The following KIAA0586 variants were observed in gnomAD, a reference collection of about 807,000 sequenced individuals.
KIAA0586 encodes the protein protein TALPID3.
Under a neutral mutation model 169.8 loss-of-function variants are expected in KIAA0586, and 144 were observed. The observed-to-expected ratio is 0.85, with a 90% CI of 0.74 to 0.97. The LOEUF is 0.97. Among genes scored for constraint, KIAA0586 ranks in the 50% least tolerant of loss-of-function variants. The pLI, the probability that KIAA0586 is intolerant of heterozygous loss-of-function variation, is 0.00. For synonymous variants in KIAA0586, 625 were observed against 612.4 expected (o/e 1.02, Z -0.30); for missense variants, 1,854 against 1,823.0 (o/e 1.02, Z -0.31).
chr14:58,485,281 C>T (rs186135932), intron 21 of KIAA0586, among the ~76,000 whole-genome samples: 82 of 151,834 alleles, frequency 5.4e-4, no homozygotes, highest in African/African-American at 1.9e-3. Flanking sequence ...AGAAGAAATA[C>T]AGATCACCCA....
intron 3 of KIAA0586, among the ~76,000 whole-genome samples, chr14:58,431,848 G>A (rs958092531): frequency 2.0e-5 from 3 of 152,036 alleles, no homozygotes; most frequent in Non-Finnish European, 4.4e-5. Flanking sequence ...AAATGGCATT[G>A]AGTTCTTGAT....
At chr14:58,555,284 A>G (rs1307714201), downstream of KIAA0586, among the ~76,000 whole-genome samples, 1 of 151,894 alleles carries the variant, frequency 6.6e-6, no homozygotes, top group South Asian at 2.1e-4. Context: ...TATTTTCAGT[A>G]GAGACAGCGT....
intron 4 of KIAA0586, chr14:58,439,766 A>T (rs1312035431): frequency 2.2e-5 from 19 of 864,528 alleles, no homozygotes; most frequent in Non-Finnish European, 2.5e-5. Flanking sequence ...AGAAATGGGG[A>T]AATATCAAAG....
intron 29 of KIAA0586, among the ~76,000 whole-genome samples, chr14:58,523,751 A>G (rs1450136533): frequency 6.6e-6 from 1 of 150,636 alleles, no homozygotes; most frequent in Non-Finnish European, 1.5e-5. Flanking sequence ...TATTATTGAG[A>G]TGGGGTCTTG....
intron 6 of KIAA0586, among the ~76,000 whole-genome samples, chr14:58,444,483 G>A (rs796522893): frequency 2.0e-4 from 30 of 147,498 alleles, no homozygotes; most frequent in African/African-American, 7.0e-4. Context: ...AAGTACAGTA[G>A]TAGAATCTCC....
At chr14:58,541,488 C>CA (rs1333833174) in intron 30 of KIAA0586, among the ~76,000 whole-genome samples, 3 of 152,168 alleles carry the variant, frequency 2.0e-5, no homozygotes, top group Non-Finnish European at 4.4e-5. Flanking sequence ...TAAATAATTA[C>CA]AGTGCAGTCT....
chr14:58,461,121 T>A lies in KIAA0586; in HGVS notation c.2020T>A (p.Ser674Thr). 6.2e-7 allele frequency: 1 copy of A among 1,606,564 alleles called. No homozygotes were observed. Among genetic ancestry groups the A allele is most frequent in the Non-Finnish European group, 8.5e-7 (1 of 1,177,146 alleles). Residue 674 changes from serine to threonine, a missense_variant, in exon 14 of 31, where the codon TCC becomes ACC. Coordinates refer to ENST00000652326, the MANE Select transcript of KIAA0586 (RefSeq NM_001329943.3). ...YLRFNSPSPK[S>T]RPQRPKVIER... The stretch of plus-strand genomic sequence containing the variant: ...CAGATTTAATTCTCCATCTCCTAAG[T>A]CCAGACCACAGAGACCAAAAGTAAT...
At chr14:58,479,365 G>A (rs984021951) in intron 20 of KIAA0586, among the ~76,000 whole-genome samples, 6 of 152,030 alleles carry the variant, frequency 3.9e-5, no homozygotes, top group South Asian at 2.1e-4. Flanking sequence ...TTTTAAGTTC[G>A]AGTCGTGTCT....
intron 8 of KIAA0586, among the ~76,000 whole-genome samples, chr14:58,451,631 T>G (rs1228899663): frequency 6.6e-6 from 1 of 152,174 alleles, no homozygotes. Context: ...ATTTCAATAA[T>G]AAAACGTAGA....
At chr14:58,443,383 AT>A (rs1178548886) in intron 5 of KIAA0586, among the ~76,000 whole-genome samples, 23 of 152,144 alleles carry the variant, frequency 1.5e-4, no homozygotes, top group Admixed American at 1.4e-3. Flanking sequence ...CTTCTTTTTA[AT>A]TTCCATTTAA....
At chr14:58,508,830 T>G (rs558817177) in intron 28 of KIAA0586, 121 bp downstream of exon 28, 1 of 700,650 alleles carries the variant, frequency 1.4e-6, no homozygotes, top group South Asian at 1.9e-5. Flanking sequence ...CATGCCTCCT[T>G]TATTTCCTAA....
At chr14:58,469,803 T>G (rs2041064389) in intron 16 of KIAA0586, among the ~76,000 whole-genome samples, 1 of 152,138 alleles carries the variant, frequency 6.6e-6, no homozygotes, top group African/African-American at 2.4e-5. Context: ...CTAAATAAGT[T>G]TTGCCAGTAA....
intron 26 of KIAA0586, among the ~76,000 whole-genome samples, chr14:58,495,889 A>G (rs2043130150): frequency 6.6e-6 from 1 of 152,138 alleles, no homozygotes; most frequent in East Asian, 1.9e-4. Flanking sequence ...TCAAAGATAT[A>G]AGCATTCATA....
downstream of KIAA0586, chr14:58,551,362 A>T (rs191272917): frequency 3.8e-4 from 58 of 152,330 alleles, no homozygotes; most frequent in African/African-American, 1.4e-3. Context: ...TGCTAAACAT[A>T]TATCTTAAGA....
At chr14:58,531,368 T>C (rs999350907) in intron 29 of KIAA0586, among the ~76,000 whole-genome samples, 1 of 149,652 alleles carries the variant, frequency 6.7e-6, no homozygotes, top group African/African-American at 2.5e-5. Flanking sequence ...TAAAAAAAAA[T>C]TGGGCAAAGG....
intron 25 of KIAA0586, among the ~76,000 whole-genome samples, chr14:58,490,783 T>A (rs551324011): frequency 7.8e-4 from 119 of 152,200 alleles, no homozygotes; most frequent in African/African-American, 2.7e-3. Context: ...AATTTTCTTT[T>A]GAAAAAACCG....
chr14:58,482,806 T>A, intron 21 of KIAA0586, 94 bp downstream of exon 21: 1 of 905,090 alleles, frequency 1.1e-6, no homozygotes, highest in African/African-American at 1.7e-5. Context: ...GTAGAAGTAT[T>A]ATTATCATTT....
chr14:58,520,185 C>T (rs77712551), intron 29 of KIAA0586, among the ~76,000 whole-genome samples: 8,881 of 152,222 alleles, frequency 0.058, 350 homozygotes, highest in Middle Eastern at 0.11. Context: ...TTCACTCTTT[C>T]TTTTTAAATT....
chr14:58,442,755 G>A lies in KIAA0586; in HGVS notation c.460G>A (p.Asp154Asn), dbSNP rs758444345. The change falls in exon 5 of 31, where the codon GAT (aspartate) becomes AAT (asparagine). Residue 154 changes from aspartate to asparagine, a missense_variant. Coordinates refer to ENST00000652326, the MANE Select transcript of KIAA0586 (RefSeq NM_001329943.3). ...FKEVKVHLLE[D>N]AGIEKDAVTQ... ...GGAAGTAAAGGTACATCTGTTAGAA[G>A]ATGCAGGCATAGAGAAGGATGCTGT... 1 of 1,594,468 alleles carries A rather than the reference G, an allele frequency of 6.3e-7. No homozygotes were observed. Among genetic ancestry groups the A allele is most frequent in the Non-Finnish European group, 8.6e-7 (1 of 1,169,336 alleles).
Sources: gnomAD v4.1 joint callset for allele counts (sites outside exome capture counted in the v4.1 genomes callset) on GRCh38, gnomAD v4.1.1 for gene constraint, MANE v1.5 for transcripts, NCBI Gene and HGNC (gene_info 2026-07-23, HGNC 2026-07-21) for gene names.